Variants in PARD3B observed in about 807,000 individuals in gnomAD.
The protein encoded by PARD3B is partitioning defective 3 homolog B.
A neutral mutation model predicts 130.2 loss-of-function variants in PARD3B; 103 were observed. The ratio of observed to expected loss-of-function variants is 0.79; its 90% CI spans 0.67 to 0.93. PARD3B has a LOEUF of 0.93. PARD3B is among the 40% of genes least tolerant of loss of function. The pLI, the probability that PARD3B is intolerant of heterozygous loss-of-function variation, is 0.00. For synonymous variants in PARD3B, 583 were observed against 553.2 expected, an observed-to-expected ratio of 1.05 and a Z score of -0.76; for missense variants, 1,609 against 1,499.2, an observed-to-expected ratio of 1.07 and a Z score of -1.21.
At chr2:205,535,221 TCA>T (rs1464445561) in intron 21 of PARD3B, among the ~76,000 whole-genome samples, 2 of 152,162 alleles carry the variant, frequency 1.3e-5, no homozygotes, top group Non-Finnish European at 2.9e-5. Flanking sequence ...ATCATGTACA[TCA>T]CAGACATCTA....
rs575548645 is a variant in PARD3B, at chr2:205,045,770, TAC to T, written c.395-1795_395-1794del. On this transcript the variant is annotated intron_variant, in intron 3 of 22. Transcript: ENST00000406610. ...CACATACACTCTCTCTCTCCATATA[TAC>T]ACACACACACACACATACATATATA... 3.3e-3 allele frequency among the ~76,000 whole-genome samples: 492 copies of T among 150,458 alleles called. 1 individual carries two copies. The highest frequency in any genetic ancestry group is 8.6e-3 in the African/African-American group (352 of 41,036).
At position 204,906,813 on chromosome 2, in the gene PARD3B, G is replaced by A. The variant is rs2047056124; in HGVS notation, c.223-58339G>A. Among the ~76,000 whole-genome samples, 1 of 152,066 alleles carries A rather than the reference G, an allele frequency of 6.6e-6. No individual in the cohort carries two copies. Among genetic ancestry groups the A allele is most frequent in the South Asian group, 2.1e-4 (1 of 4,810 alleles). ...CATTTTACATTGGATTATTTCATCTGCGTGGTTTTGTACACCATTTGAATT... is the reference window on the plus strand; with the variant it reads ...CATTTTACATTGGATTATTTCATCTACGTGGTTTTGTACACCATTTGAATT... On this transcript the variant is annotated intron_variant, in intron 2 of 22. Coordinates refer to ENST00000406610, the MANE Select transcript of PARD3B (RefSeq NM_001302769.2). The surrounding 1 kb of genome is among the most constrained non-coding windows in gnomAD (Gnocchi z 4.3).
intron 20 of PARD3B, among the ~76,000 whole-genome samples, chr2:205,450,101 G>A (rs73055927): frequency 0.029 from 4,348 of 152,146 alleles, 182 homozygotes; most frequent in African/African-American, 0.096. Context: ...TGGTTTATTC[G>A]TGGATTAAAT....
chr2:205,005,396 T>C (rs745770251), intron 3 of PARD3B, among the ~76,000 whole-genome samples: 1 of 152,086 alleles, frequency 6.6e-6, no homozygotes, highest in Non-Finnish European at 1.5e-5. Context: ...ATGTCCCAAA[T>C]TGAGAAATAA....
intron 19 of PARD3B, among the ~76,000 whole-genome samples, chr2:205,411,619 T>C (rs572878239): frequency 2.6e-5 from 4 of 152,294 alleles, no homozygotes; most frequent in African/African-American, 9.6e-5. Context: ...TACAGTAGCC[T>C]TTGGGAGCCT....
intron 15 of PARD3B, among the ~76,000 whole-genome samples, chr2:205,216,147 A>G (rs2037896486): frequency 6.6e-6 from 1 of 152,198 alleles, no homozygotes; most frequent in Non-Finnish European, 1.5e-5. Context: ...TTAGAAACAC[A>G]GATACTTACC....
chr2:205,533,129 C>G (rs893511319), intron 21 of PARD3B, among the ~76,000 whole-genome samples: 3 of 152,040 alleles, frequency 2.0e-5, no homozygotes, highest in African/African-American at 7.2e-5. Context: ...CAAAATATGG[C>G]CATCCCTCTT....
chr2:204,587,441 T>C (rs1003126753), intron 1 of PARD3B, among the ~76,000 whole-genome samples: 6 of 152,210 alleles, frequency 3.9e-5, no homozygotes, highest in African/African-American at 1.2e-4. Context: ...AATGGAATTG[T>C]TGGTAGTCAC....
In PARD3B at chr2:205,485,008, C is replaced by T. The variant is rs188123683; in HGVS notation, c.3045-14888C>T. ...TCGACAACTCATTCACTGTTCAGAT[C>T]AAGAAGACAGCTGCAAATTGCTCCA... On this transcript the variant is annotated intron_variant, in intron 20 of 22. Coordinates refer to ENST00000406610, the MANE Select transcript of PARD3B (RefSeq NM_001302769.2). 4.2e-3 allele frequency among the ~76,000 whole-genome samples: 635 copies of T among 152,256 alleles called. 3 individuals are homozygous for T. Among genetic ancestry groups the T allele is most frequent in the Middle Eastern group, 6.8e-3 (2 of 292 alleles).
intron 2 of PARD3B, among the ~76,000 whole-genome samples, chr2:204,775,136 G>A (rs1336657151): frequency 6.6e-6 from 1 of 151,986 alleles, no homozygotes; most frequent in Non-Finnish European, 1.5e-5. Flanking sequence ...TGATTTTGTT[G>A]GGTAACTTAA....
At chr2:205,100,273 G>A (rs1702677447) in intron 4 of PARD3B, among the ~76,000 whole-genome samples, 1 of 151,972 alleles carries the variant, frequency 6.6e-6, no homozygotes, top group Non-Finnish European at 1.5e-5. Flanking sequence ...GCAAATATCA[G>A]TTTTTTTCTT....
At chr2:204,994,933 G>T (rs1001508894) in intron 3 of PARD3B, among the ~76,000 whole-genome samples, 1 of 151,222 alleles carries the variant, frequency 6.6e-6, no homozygotes, top group Non-Finnish European at 1.5e-5. Flanking sequence ...CATTGGCTTG[G>T]TAGATCTTCC....
chr2:204,838,807 T>G (rs1451421803), intron 2 of PARD3B, among the ~76,000 whole-genome samples: 2 of 152,162 alleles, frequency 1.3e-5, no homozygotes, highest in Non-Finnish European at 2.9e-5. Context: ...TGTATTAAAT[T>G]ATTACATGTA....
intron 20 of PARD3B, among the ~76,000 whole-genome samples, chr2:205,492,615 C>A (rs953298136): frequency 6.6e-6 from 1 of 151,694 alleles, no homozygotes; most frequent in African/African-American, 2.4e-5. Context: ...TTTCACCGGG[C>A]TAAACAGTGA....
chr2:204,647,311 A>C (rs1456493086), intron 1 of PARD3B, among the ~76,000 whole-genome samples: 5 of 150,996 alleles, frequency 3.3e-5, no homozygotes, highest in African/African-American at 1.2e-4. Flanking sequence ...TTGTTTTTTG[A>C]GGCATTCCTT....
At chr2:205,381,902 C>G (rs73062561) in intron 18 of PARD3B, among the ~76,000 whole-genome samples, 6,544 of 152,006 alleles carry the variant, frequency 0.043, 444 homozygotes, top group African/African-American at 0.15. Flanking sequence ...TTAACCTTTC[C>G]TAATCATTTC....
rs1161533306 is a variant in PARD3B at position 204,778,969 on chromosome 2, C to T, written c.222+92687C>T. Among the ~76,000 whole-genome samples, 23 of 152,280 alleles carry T rather than the reference C, an allele frequency of 1.5e-4. No individual in the cohort carries two copies. In the South Asian group the frequency reaches 3.7e-3, roughly 25 times the overall value. On this transcript the variant is annotated intron_variant, in intron 2 of 22. Transcript: ENST00000406610. The stretch of plus-strand genomic sequence containing the variant: ...CAAAGCTTTATACTTTGGGCACTGC[C>T]TGCCGCCTCAGCCTCATCTCAAACC...
chr2:205,557,595 T>C lies in PARD3B; in HGVS notation c.3260+4192T>C, dbSNP rs931537586. On this transcript the variant is annotated intron_variant, in intron 22 of 22. Transcript: ENST00000406610. ...TGTGTGGCCTTGGGCAGTGATGGAATTGCTTCAGGCTCTGTTTTCTAATCT... is the reference window on the plus strand; with the variant it reads ...TGTGTGGCCTTGGGCAGTGATGGAACTGCTTCAGGCTCTGTTTTCTAATCT... Among the ~76,000 whole-genome samples the C allele has an allele frequency of 5.9e-5, 9 of 152,156 alleles. 1 individual carries two copies. The highest frequency in any genetic ancestry group is 1.4e-4 in the African/African-American group (6 of 41,440).
chr2:204,899,313 C>T (rs1482714267), intron 2 of PARD3B, among the ~76,000 whole-genome samples: 4 of 144,290 alleles, frequency 2.8e-5, no homozygotes, highest in Admixed American at 7.2e-5. Flanking sequence ...TTGCTGTCTT[C>T]CTTTCAGTGT....
Sources: gnomAD v4.1 joint callset for allele counts (sites outside exome capture counted in the v4.1 genomes callset) on GRCh38, gnomAD v4.1.1 for gene constraint, Gnocchi (gnomAD v3.1) non-coding constraint, MANE v1.5 for transcripts, NCBI Gene and HGNC (gene_info 2026-07-23, HGNC 2026-07-21) for gene names.